Variants in RFWD3 observed in about 807,000 individuals in gnomAD.
RFWD3 encodes E3 ubiquitin-protein ligase RFWD3.
In RFWD3, 65 loss-of-function variants were observed where a neutral mutation model predicts 87.7. The ratio of observed to expected loss-of-function variants is 0.74; its 90% CI spans 0.61 to 0.91. The LOEUF is 0.91. Among genes scored for constraint, RFWD3 ranks in the 40% least tolerant of loss-of-function variants. RFWD3 has a pLI of 0.00. For missense variants in RFWD3, 1,078 were observed against 938.5 expected, an observed-to-expected ratio of 1.15 and a Z score of -1.94; for synonymous variants, 433 against 352.8, an observed-to-expected ratio of 1.23 and a Z score of -2.55.
In RFWD3 at chr16:74,644,400, C is replaced by T; in HGVS notation, c.1041G>A (p.Leu347=). 1 of 1,614,186 alleles carries T rather than the reference C, an allele frequency of 6.2e-7. No homozygotes were observed. The highest frequency in any genetic ancestry group is 8.5e-7 in the Non-Finnish European group (1 of 1,180,036). ...CCTGTTCACTAGTGTCCAAAGCTCTCAGGGTTCGGGCATAAAGGACGACAA... is the reference window on the plus strand; with the variant it reads ...CCTGTTCACTAGTGTCCAAAGCTCTTAGGGTTCGGGCATAAAGGACGACAA... The part of the protein sequence containing the change: ...SDIVVLYART[L]RALDTSEQER... Residue 347 remains leucine (L), a synonymous_variant, in exon 6 of 13, where the codon CTG becomes CTA. Coordinates refer to ENST00000361070, the MANE Select transcript of RFWD3 (RefSeq NM_018124.4).
In RFWD3 at chr16:74,662,697, A is replaced by C. The variant is rs539200497; in HGVS notation, c.-2-1246T>G. Among the ~76,000 whole-genome samples the C allele has an allele frequency of 2.6e-5, 4 of 152,272 alleles. No individual in the cohort carries two copies. In the South Asian group the frequency reaches 8.3e-4, roughly 32 times the overall value. On this transcript the variant is annotated intron_variant, in intron 1 of 12. Transcript: ENST00000361070. ...AGCATGGGTTTCACTGATGAACAGG[A>C]CACCATTATTAAAGGGCCTATGGGC... is the stretch of plus-strand genomic sequence containing the variant.
At chr16:74,648,947 G>A (rs943316468) in intron 4 of RFWD3, among the ~76,000 whole-genome samples, 185 bp downstream of exon 4, 1 of 151,962 alleles carries the variant, frequency 6.6e-6, no homozygotes, top group African/African-American at 2.4e-5. Context: ...GCCGAGTGTG[G>A]TGGCATTACC....
At chr16:74,625,598 A>G (rs1958910640) in intron 12 of RFWD3, among the ~76,000 whole-genome samples, 1 of 151,620 alleles carries the variant, frequency 6.6e-6, no homozygotes, top group African/African-American at 2.4e-5. Flanking sequence ...TTGTTGTGGA[A>G]GCCAGATCAG....
chr16:74,624,098 T>TCAGGA, intron 12 of RFWD3, 27 bp from the exon 13 acceptor site: 1 of 1,609,886 alleles, frequency 6.2e-7, no homozygotes. Context: ...GAGGGAAGGG[T>TCAGGA]CAGGAGTCAG....
chr16:74,655,322 C>T (rs1960883726), intron 2 of RFWD3, among the ~76,000 whole-genome samples: 4 of 151,818 alleles, frequency 2.6e-5, no homozygotes. Context: ...TCACTGCAAG[C>T]TCTGCCTCCC....
At position 74,622,890 on chromosome 16, in the gene RFWD3, C is replaced by A. The variant is rs1158414934; in HGVS notation, c.*1038G>T. On this transcript the variant is annotated 3_prime_UTR_variant, in exon 13 of 13. Coordinates refer to ENST00000361070, the MANE Select transcript of RFWD3 (RefSeq NM_018124.4). ...CTGGATAACTGGAATGTATAAAGAA[C>A]ACTTAAGAACAGCCCCTCAGTCTGA... 1 of 152,202 alleles carries A rather than the reference C, an allele frequency of 6.6e-6. No homozygotes were observed. The highest frequency in any genetic ancestry group is 1.9e-4 in the East Asian group (1 of 5,202). The allele number at this position is 152,202 out of a possible 1,614,324, so 9.4% of individuals were successfully genotyped here.
intron 2 of RFWD3, among the ~76,000 whole-genome samples, chr16:74,652,666 C>G (rs1364793304): frequency 1.3e-5 from 2 of 152,052 alleles, no homozygotes; most frequent in African/African-American, 4.8e-5. Flanking sequence ...AATATGGCAT[C>G]AAACAAAATA....
chr16:74,638,381 A>C (rs1324963045), intron 6 of RFWD3, among the ~76,000 whole-genome samples: 1 of 152,218 alleles, frequency 6.6e-6, no homozygotes, highest in African/African-American at 2.4e-5. Context: ...AAAAGAGCAA[A>C]AGTAGACATC....
chr16:74,663,527 C>G (rs976885212), intron 1 of RFWD3, among the ~76,000 whole-genome samples: 1 of 152,026 alleles, frequency 6.6e-6, no homozygotes, highest in Admixed American at 6.6e-5. Flanking sequence ...CTGGTGCAGG[C>G]TGAATAAATG....
chr16:74,661,633 T>C (rs1255261417), intron 1 of RFWD3, among the ~76,000 whole-genome samples, 182 bp from the exon 2 acceptor site: 1 of 152,174 alleles, frequency 6.6e-6, no homozygotes, highest in Non-Finnish European at 1.5e-5. Context: ...CTTTCCTCTC[T>C]ATAACAAGCA....
At chr16:74,662,483 C>T (rs919869782) in intron 1 of RFWD3, among the ~76,000 whole-genome samples, 1 of 152,042 alleles carries the variant, frequency 6.6e-6, no homozygotes, top group African/African-American at 2.4e-5. Flanking sequence ...TAAACAAATA[C>T]ATGAAAAAAA....
At chr16:74,638,041 G>C (rs533815079) in intron 6 of RFWD3, 71 bp from the exon 7 acceptor site, 6 of 958,774 alleles carry the variant, frequency 6.3e-6, no homozygotes, top group East Asian at 2.6e-5. Flanking sequence ...AGGTGGCAGA[G>C]TTAAGTTCAT....
At chr16:74,660,104 G>A (rs570014180) in intron 2 of RFWD3, among the ~76,000 whole-genome samples, 2 of 152,200 alleles carry the variant, frequency 1.3e-5, no homozygotes, top group African/African-American at 4.8e-5. Context: ...AAGGGATTTC[G>A]TCGAAGCTTC....
intron 6 of RFWD3, 126 bp downstream of exon 6, chr16:74,644,236 T>C (rs1049304720): frequency 6.0e-6 from 5 of 839,494 alleles, no homozygotes; most frequent in African/African-American, 5.0e-5. Flanking sequence ...CTGCCAATGA[T>C]CCCCAGAGAT....
intron 9 of RFWD3, among the ~76,000 whole-genome samples, chr16:74,631,656 C>A (rs1405995083): frequency 6.6e-6 from 1 of 152,164 alleles, no homozygotes; most frequent in East Asian, 1.9e-4. Flanking sequence ...TCATGGTACT[C>A]AAGGGCAGTG....
rs187669549 is a variant in RFWD3, at chr16:74,642,970, A to T, written c.1079+1392T>A. On this transcript the variant is annotated intron_variant, in intron 6 of 12. Transcript: ENST00000361070. ...TAATCAGTGAATTGTTTTTAAATAT[A>T]ATCACCCATTACAGCCACACGTATA... Among the ~76,000 whole-genome samples, 532 of 152,332 alleles carry T rather than the reference A, an allele frequency of 3.5e-3. 4 individuals carry two copies. The highest frequency in any genetic ancestry group is 0.012 in the African/African-American group (513 of 41,576).
intron 12 of RFWD3, among the ~76,000 whole-genome samples, chr16:74,624,489 G>T (rs912045716): frequency 6.6e-6 from 1 of 152,170 alleles, no homozygotes; most frequent in Non-Finnish European, 1.5e-5. Flanking sequence ...TCTGCCTCCT[G>T]GGTTCCAGCG....
At chr16:74,639,431 G>A (rs148181010) in intron 6 of RFWD3, among the ~76,000 whole-genome samples, 10 of 152,282 alleles carry the variant, frequency 6.6e-5, no homozygotes, top group African/African-American at 2.4e-4. Context: ...TATGCAATCT[G>A]TCATTGACCC....
In RFWD3 at chr16:74,649,059, G is replaced by C. The variant is rs1166929416; in HGVS notation, c.792+73C>G. 2.2e-5 allele frequency: 22 copies of C among 984,022 alleles called. No homozygotes were observed. In the Admixed American group the frequency reaches 3.7e-4, roughly 16 times the overall value. 61.0% of individuals were successfully genotyped at this position (984,022 alleles called of 1,614,324 possible). A position where few individuals can be genotyped will look rare whatever the true frequency, so the allele number is the denominator to read the frequency against. On this transcript the variant is annotated intron_variant, in intron 4 of 12. Transcript: ENST00000361070. ...ACTGCACCACTGCACTCTAGCCTGG[G>C]TGAGAGTGAGACCTAGTCTCTAAAA...
Sources: allele counts gnomAD v4.1 joint callset (sites outside exome capture counted in the v4.1 genomes callset), GRCh38; gene constraint gnomAD v4.1.1; transcripts MANE v1.5; gene names NCBI Gene and HGNC (gene_info 2026-07-23, HGNC 2026-07-21).